Variants in SPSB4 observed in about 807,000 individuals in gnomAD.
SPSB4 encodes the protein SPRY domain-containing SOCS box protein 4.
SPSB4 carries 21 observed loss-of-function variants against 20.9 expected under a neutral mutation model. That is an observed-to-expected ratio of 1.01 (90% CI 0.71 to 1.45). The LOEUF (loss-of-function observed/expected upper bound fraction) is 1.45, where lower values mean the gene tolerates loss of function less well. SPSB4 is among the 40% of genes most tolerant of loss of function. The pLI, the probability that SPSB4 is intolerant of heterozygous loss-of-function variation, is 0.00. For synonymous variants in SPSB4, 207 were observed against 183.8 expected, an observed-to-expected ratio of 1.13 and a Z score of -1.02; for missense variants, 399 against 399.2, an observed-to-expected ratio of 1.00 and a Z score of 0.00.
intron 2 of SPSB4, among the ~76,000 whole-genome samples, chr3:141,103,418 C>T (rs534427058): frequency 6.6e-6 from 1 of 152,304 alleles, no homozygotes; most frequent in African/African-American, 2.4e-5. Context: ...ATGGCAGCAT[C>T]GGAACAGCAC....
At chr3:141,072,378 C>T (rs571788767) in intron 2 of SPSB4, among the ~76,000 whole-genome samples, 1 of 152,128 alleles carries the variant, frequency 6.6e-6, no homozygotes, top group Non-Finnish European at 1.5e-5. Flanking sequence ...AATGAGATCC[C>T]CCAAGTTGGA....
chr3:141,105,507 C>G (rs1328026237), intron 2 of SPSB4, among the ~76,000 whole-genome samples: 1 of 152,208 alleles, frequency 6.6e-6, no homozygotes, highest in Non-Finnish European at 1.5e-5. Flanking sequence ...TGAGATTTAT[C>G]AAACACCTAC....
chr3:141,121,396 T>C (rs1324604292), intron 2 of SPSB4, among the ~76,000 whole-genome samples: 2 of 152,198 alleles, frequency 1.3e-5, no homozygotes, highest in South Asian at 2.1e-4. Context: ...TGTCTTGGGG[T>C]TGCTCTTCTC....
intron 2 of SPSB4, among the ~76,000 whole-genome samples, chr3:141,101,669 G>A (rs546541617): frequency 1.8e-4 from 28 of 152,250 alleles, no homozygotes; most frequent in African/African-American, 6.7e-4. Flanking sequence ...CCATCAGATG[G>A]CTCTTATTAT....
At chr3:141,146,530 A>G (rs1939415036) in intron 2 of SPSB4, among the ~76,000 whole-genome samples, 2 of 152,144 alleles carry the variant, frequency 1.3e-5, no homozygotes. Context: ...TAATCCCAGC[A>G]CTTTGGGAGG....
At chr3:141,054,992 C>A (rs1167555386) in intron 1 of SPSB4, among the ~76,000 whole-genome samples, 1 of 151,456 alleles carries the variant, frequency 6.6e-6, no homozygotes, top group Non-Finnish European at 1.5e-5. Flanking sequence ...GCAAACCATG[C>A]AGGAGGTATA....
At chr3:141,120,553 T>C (rs1466169278) in intron 2 of SPSB4, among the ~76,000 whole-genome samples, 1 of 152,234 alleles carries the variant, frequency 6.6e-6, no homozygotes, top group Non-Finnish European at 1.5e-5. Context: ...TCTAAGTCTC[T>C]TTGTAGATCT....
intron 2 of SPSB4, among the ~76,000 whole-genome samples, chr3:141,070,667 C>T (rs930938618): frequency 3.9e-5 from 6 of 152,178 alleles, no homozygotes; most frequent in South Asian, 2.1e-4. Flanking sequence ...GCGTGAGACA[C>T]GTCACCCGGC....
chr3:141,098,915 T>A (rs979340980), intron 2 of SPSB4, among the ~76,000 whole-genome samples: 1 of 152,140 alleles, frequency 6.6e-6, no homozygotes, highest in Non-Finnish European at 1.5e-5. Flanking sequence ...GAGCATGGCA[T>A]TGGCATCCGG....
intron 2 of SPSB4, among the ~76,000 whole-genome samples, chr3:141,135,804 C>T (rs559100441): frequency 6.6e-5 from 10 of 151,934 alleles, no homozygotes; most frequent in Non-Finnish European, 1.3e-4. Flanking sequence ...AATAAACATA[C>T]GTGTGCATGT....
chr3:141,074,429 G>T (rs1938063819), intron 2 of SPSB4, among the ~76,000 whole-genome samples: 2 of 152,100 alleles, frequency 1.3e-5, no homozygotes, highest in African/African-American at 2.4e-5. Context: ...AATAATTATG[G>T]TTATTAAATT....
intron 2 of SPSB4, among the ~76,000 whole-genome samples, chr3:141,071,638 T>C (rs929908627): frequency 6.6e-6 from 1 of 152,170 alleles, no homozygotes; most frequent in African/African-American, 2.4e-5. Flanking sequence ...CTCTGCCTCC[T>C]ATGCCTGGGC....
At chr3:141,103,989 C>T (rs1049505994) in intron 2 of SPSB4, among the ~76,000 whole-genome samples, 8 of 152,136 alleles carry the variant, frequency 5.3e-5, no homozygotes, top group South Asian at 2.1e-4. Flanking sequence ...ACCATTGATC[C>T]GACAAATTCA....
chr3:141,053,721 G>A (rs114724442), intron 1 of SPSB4, among the ~76,000 whole-genome samples: 5,515 of 152,136 alleles, frequency 0.036, 324 homozygotes, highest in African/African-American at 0.12. Context: ...AAAAATGCAA[G>A]TTAAAATTAC....
intron 2 of SPSB4, among the ~76,000 whole-genome samples, chr3:141,126,639 C>G (rs1004917433): frequency 6.6e-6 from 1 of 152,200 alleles, no homozygotes. Context: ...AACCAAATAT[C>G]GATGGCATCT....
intron 2 of SPSB4, among the ~76,000 whole-genome samples, chr3:141,114,241 C>T (rs1004512365): frequency 6.6e-6 from 1 of 152,194 alleles, no homozygotes; most frequent in African/African-American, 2.4e-5. Flanking sequence ...TTCAGTCAAT[C>T]GCCCTGAGCA....
At chr3:141,113,988 T>A (rs1249203011) in intron 2 of SPSB4, among the ~76,000 whole-genome samples, 1 of 152,162 alleles carries the variant, frequency 6.6e-6, no homozygotes, top group Non-Finnish European at 1.5e-5. Context: ...CTTGAGAGGC[T>A]GAGGTGGGAG....
At chr3:141,126,081 CT>C (rs1939045931) in intron 2 of SPSB4, among the ~76,000 whole-genome samples, 2 of 152,174 alleles carry the variant, frequency 1.3e-5, no homozygotes, top group Admixed American at 1.3e-4. Context: ...GTCTTTGGGG[CT>C]CTATGATTCA....
intron 2 of SPSB4, among the ~76,000 whole-genome samples, chr3:141,114,230 A>G (rs971711544): frequency 7.2e-5 from 11 of 152,306 alleles, no homozygotes; most frequent in Admixed American, 7.2e-4. Flanking sequence ...CCAGGGGTGA[A>G]TTCAGTCAAT....
Sources: allele counts gnomAD v4.1 joint callset (sites outside exome capture counted in the v4.1 genomes callset), GRCh38; gene constraint gnomAD v4.1.1; transcripts MANE v1.5; gene names NCBI Gene and HGNC (gene_info 2026-07-23, HGNC 2026-07-21).